The following PIKFYVE variants were observed in gnomAD, a reference collection of about 807,000 sequenced individuals.
The protein encoded by PIKFYVE is phosphoinositide kinase, FYVE-type zinc finger containing.
Under a neutral mutation model 257.9 loss-of-function variants are expected in PIKFYVE, and 122 were observed. The observed-to-expected ratio is 0.47, with a 90% CI of 0.41 to 0.55. The LOEUF (loss-of-function observed/expected upper bound fraction) is 0.55, where lower values mean the gene tolerates loss of function less well. Among genes scored for constraint, PIKFYVE ranks in the 20% least tolerant of loss-of-function variants. The pLI is 0.00. For synonymous variants in PIKFYVE, 892 were observed against 868.9 expected (o/e 1.03, Z -0.47); for missense variants, 2,160 against 2,536.6 (o/e 0.85, Z 3.19).
intron 37 of PIKFYVE, 82 bp from the exon 38 acceptor site, chr2:208,351,270 C>T (rs1699750150): frequency 1.7e-6 from 2 of 1,149,800 alleles, no homozygotes; most frequent in Admixed American, 1.7e-5. Flanking sequence ...ACAACCTAAT[C>T]ATTTAGGATC....
At chr2:208,312,108 G>C in intron 12 of PIKFYVE, 128 bp from the exon 13 acceptor site, 2 of 711,518 alleles carry the variant, frequency 2.8e-6, no homozygotes, top group Non-Finnish European at 4.9e-6. Context: ...TGAATTTGCC[G>C]GGCAGTGATG....
intron 17 of PIKFYVE, among the ~76,000 whole-genome samples, chr2:208,323,224 AG>A (rs1260904500): frequency 8.1e-5 from 12 of 147,398 alleles, no homozygotes; most frequent in African/African-American, 2.8e-4. Context: ...CTCGTCATTT[AG>A]CATTAGGTAT....
In PIKFYVE at chr2:208,298,653, T is replaced by C; in HGVS notation, c.924T>C (p.Ile308=). 1 of 1,614,138 alleles carries C rather than the reference T, an allele frequency of 6.2e-7. No individual in the cohort carries two copies. Among genetic ancestry groups the C allele is most frequent in the Non-Finnish European group, 8.5e-7 (1 of 1,179,978 alleles). Residue 308 remains isoleucine, a synonymous_variant, in exon 8 of 42, where the codon ATT becomes ATC. Coordinates refer to ENST00000264380, the MANE Select transcript of PIKFYVE (RefSeq NM_015040.4). ...TTTTTATTTCCAGATCAGCCAGCAT[T>C]ACTAACCTGTCACTGGATAGATCTG... ...KSPARNRSAS[I]TNLSLDRSGS... is the part of the protein sequence containing the mutation.
intron 8 of PIKFYVE, 60 bp downstream of exon 8, chr2:208,298,839 C>G: frequency 1.3e-6 from 2 of 1,597,696 alleles, no homozygotes; most frequent in Admixed American, 1.7e-5. Flanking sequence ...GTTCATGTGA[C>G]TGAGTCTTTT....
intron 5 of PIKFYVE, among the ~76,000 whole-genome samples, chr2:208,284,113 C>G (rs560252575): frequency 5.9e-5 from 9 of 151,918 alleles, no homozygotes; most frequent in African/African-American, 1.9e-4. Flanking sequence ...TTTTTAATAC[C>G]TAAAATGTTA....
intron 15 of PIKFYVE, among the ~76,000 whole-genome samples, chr2:208,316,144 C>A (rs1015157512): frequency 1.3e-5 from 2 of 149,878 alleles, no homozygotes; most frequent in African/African-American, 4.9e-5. Flanking sequence ...TTTGTCCTTG[C>A]GATAGTTTAC....
rs759136219 is a variant in PIKFYVE at position 208,328,287 on chromosome 2, T to C, written c.3719+7T>C. On this transcript the variant is annotated splice_region_variant and intron_variant, in intron 21 of 41. Transcript: ENST00000264380. Reference sequence around the variant, plus strand: ...GTGCCTGTGTCAGTCCTTGGTAGGATTCTTTTCCCCCTACACTATTCCACA... The same window carrying C: ...GTGCCTGTGTCAGTCCTTGGTAGGACTCTTTTCCCCCTACACTATTCCACA... The C allele has an allele frequency of 7.4e-6, 12 of 1,613,686 alleles. No homozygotes were observed. The highest frequency in any genetic ancestry group is 8.5e-6 in the Non-Finnish European group (10 of 1,179,778).
intron 17 of PIKFYVE, among the ~76,000 whole-genome samples, chr2:208,323,825 CATT>C (rs1232827478): frequency 1.3e-5 from 2 of 152,186 alleles, no homozygotes; most frequent in Non-Finnish European, 2.9e-5. Context: ...GATGGTATCT[CATT>C]GTGGTTTTGA....
At position 208,340,149 on chromosome 2, in the gene PIKFYVE, CA is replaced by C. The variant is rs1464341627; in HGVS notation, c.4931+19del. 2.5e-6 allele frequency: 4 copies of C among 1,613,412 alleles called. No homozygotes were observed. The African/African-American group carries it at 5.3e-5, about 22-fold the overall frequency. ...TTTCCTTTGTAAGTATTATTAAAAC[CA>C]GTGGCTCTTAGCAGGGGGGTTATTT... On this transcript the variant is annotated intron_variant, in intron 31 of 41. Coordinates refer to ENST00000264380, the MANE Select transcript of PIKFYVE (RefSeq NM_015040.4).
intron 8 of PIKFYVE, among the ~76,000 whole-genome samples, chr2:208,299,524 G>A (rs929932163): frequency 3.9e-5 from 6 of 151,944 alleles, no homozygotes; most frequent in Non-Finnish European, 7.4e-5. Flanking sequence ...TCCTGACCTC[G>A]TGATCTCCCT....
In PIKFYVE at chr2:208,271,540, G is replaced by A. The variant is rs755762515; in HGVS notation, c.21G>A (p.Thr7=). 6.2e-5 allele frequency: 100 copies of A among 1,613,918 alleles called. No homozygotes were observed. The highest frequency in any genetic ancestry group is 1.3e-4 in the Admixed American group (8 of 59,986). The part of the protein sequence containing the change: MATDDK[T]SPTLDSANDL... ...ATGAAATGGCCACAGATGATAAGACGTCCCCAACACTGGACTCTGCTAATG... is the reference window on the plus strand; with the variant it reads ...ATGAAATGGCCACAGATGATAAGACATCCCCAACACTGGACTCTGCTAATG... The change falls in exon 2 of 42, where the codon ACG becomes ACA. Residue 7 remains threonine, a synonymous_variant. Coordinates refer to ENST00000264380, the MANE Select transcript of PIKFYVE (RefSeq NM_015040.4).
intron 17 of PIKFYVE, among the ~76,000 whole-genome samples, chr2:208,322,199 G>A (rs1381712768): frequency 2.0e-5 from 3 of 151,782 alleles, no homozygotes; most frequent in Non-Finnish European, 2.9e-5. Flanking sequence ...GGGTAACATA[G>A]TGAGACTCTG....
chr2:208,271,460 T>G, intron 1 of PIKFYVE, 51 bp from the exon 2 acceptor site: 1 of 1,571,762 alleles, frequency 6.4e-7, no homozygotes, highest in Admixed American at 1.7e-5. Context: ...GGAATCAACT[T>G]TTGAGCTTCC....
chr2:208,339,596 A>C, intron 30 of PIKFYVE, 41 bp downstream of exon 30: 1 of 1,605,176 alleles, frequency 6.2e-7, no homozygotes, highest in Non-Finnish European at 8.5e-7. Flanking sequence ...ATTGTATCTA[A>C]GACTGAAAGA....
intron 25 of PIKFYVE, 60 bp from the exon 26 acceptor site, chr2:208,335,733 T>C: frequency 1.6e-6 from 2 of 1,256,960 alleles, no homozygotes; most frequent in Non-Finnish European, 2.3e-6. Flanking sequence ...TTTCTATTTA[T>C]GTGAGATAGA....
intron 12 of PIKFYVE, among the ~76,000 whole-genome samples, chr2:208,311,191 T>C (rs1001378053): frequency 6.6e-6 from 1 of 152,158 alleles, no homozygotes; most frequent in African/African-American, 2.4e-5. Flanking sequence ...AGCTTTAGTG[T>C]GAGAAGGCTG....
chr2:208,346,206 A>C, intron 34 of PIKFYVE, 59 bp downstream of exon 34: 1 of 1,358,648 alleles, frequency 7.4e-7, no homozygotes. Context: ...ATGGTTTGAA[A>C]AAGAAAATAC....
intron 4 of PIKFYVE, 52 bp from the exon 5 acceptor site, chr2:208,277,485 A>G (rs1405305561): frequency 1.9e-6 from 3 of 1,578,768 alleles, no homozygotes; most frequent in Non-Finnish European, 2.6e-6. Context: ...TTGCCATTGC[A>G]TATTAATAAT....
chr2:208,327,251 T>C (rs980332400), intron 20 of PIKFYVE, among the ~76,000 whole-genome samples: 1 of 152,140 alleles, frequency 6.6e-6, no homozygotes, highest in African/African-American at 2.4e-5. Context: ...TGTAGGTATA[T>C]GTACATTTGT....
Sources: allele counts gnomAD v4.1 joint callset (sites outside exome capture counted in the v4.1 genomes callset), GRCh38; gene constraint gnomAD v4.1.1; transcripts MANE v1.5; gene names NCBI Gene and HGNC (gene_info 2026-07-23, HGNC 2026-07-21).